Variants in MRPL3 observed in about 807,000 individuals in gnomAD.
MRPL3 encodes large ribosomal subunit protein uL3m.
MRPL3 carries 43 observed loss-of-function variants against 44.3 expected under a neutral mutation model. That is an observed-to-expected ratio of 0.97 (90% confidence interval 0.76 to 1.25). MRPL3 has a LOEUF of 1.25. Ranked by LOEUF, MRPL3 falls within the 50% of genes most tolerant of loss-of-function variation. MRPL3 has a pLI of 0.00. For missense variants in MRPL3, 406 were observed against 427.6 expected, an observed-to-expected ratio of 0.95 and a Z score of 0.45; for synonymous variants, 171 against 152.3, an observed-to-expected ratio of 1.12 and a Z score of -0.91.
chr3:131,462,960 C>A, intron 9 of MRPL3, 85 bp from the exon 10 acceptor site: 1 of 1,122,996 alleles, frequency 8.9e-7, no homozygotes, highest in Non-Finnish European at 1.3e-6. Flanking sequence ...CAAAGAAATA[C>A]TCGCTACTAC....
intron 1 of MRPL3, among the ~76,000 whole-genome samples, chr3:131,502,098 C>T (rs1231844549): frequency 6.6e-6 from 1 of 152,192 alleles, no homozygotes; most frequent in East Asian, 1.9e-4. Flanking sequence ...CTCACCTCCT[C>T]CCTGCAATGA....
intron 4 of MRPL3, among the ~76,000 whole-genome samples, chr3:131,494,829 A>C (rs9857469): frequency 0.066 from 10,010 of 152,266 alleles, 392 homozygotes; most frequent in African/African-American, 0.089. Flanking sequence ...TAAATAAGTA[A>C]ATGATTTCAA....
At position 131,485,744 on chromosome 3, in the gene MRPL3, T is replaced by C. The variant is rs192036542; in HGVS notation, c.629+1936A>G. 3.3e-5 allele frequency among the ~76,000 whole-genome samples: 5 copies of C among 152,258 alleles called. No homozygotes were observed. In the East Asian group the frequency reaches 9.6e-4, roughly 29 times the overall value. The stretch of plus-strand genomic sequence containing the variant: ...CACATTTCATTTCTAAATAGCGAAA[T>C]GAAGGTTATTAAAGCAGCCAGCAGC... On this transcript the variant is annotated intron_variant, in intron 6 of 9. Coordinates refer to ENST00000264995, the MANE Select transcript of MRPL3 (RefSeq NM_007208.4).
intron 5 of MRPL3, chr3:131,488,873 C>A (rs1405813744): frequency 1.3e-5 from 2 of 151,550 alleles, no homozygotes; most frequent in African/African-American, 4.8e-5. Context: ...ACACTGTATC[C>A]CATAAATGTA....
intron 6 of MRPL3, among the ~76,000 whole-genome samples, chr3:131,472,857 T>A (rs891495501): frequency 6.6e-6 from 1 of 151,960 alleles, no homozygotes; most frequent in Non-Finnish European, 1.5e-5. Context: ...ATAAACTTAA[T>A]AATGGAAGTG....
At chr3:131,474,330 A>G (rs1933806156) in intron 6 of MRPL3, among the ~76,000 whole-genome samples, 1 of 152,188 alleles carries the variant, frequency 6.6e-6, no homozygotes, top group Non-Finnish European at 1.5e-5. Context: ...TTACATGTGG[A>G]ATCTAAAAAA....
intron 6 of MRPL3, among the ~76,000 whole-genome samples, chr3:131,473,524 G>C (rs1933785569): frequency 1.3e-5 from 2 of 151,722 alleles, no homozygotes; most frequent in Non-Finnish European, 2.9e-5. Flanking sequence ...CAAAAGCACA[G>C]GCAACAAAAG....
intron 8 of MRPL3, among the ~76,000 whole-genome samples, chr3:131,469,266 C>T (rs1443985373): frequency 1.3e-5 from 2 of 150,244 alleles, no homozygotes; most frequent in African/African-American, 4.9e-5. Context: ...GATATATAAT[C>T]CAAGAACCTG....
chr3:131,473,680 A>C (rs1231349459), intron 6 of MRPL3, among the ~76,000 whole-genome samples: 1 of 152,058 alleles, frequency 6.6e-6, no homozygotes, highest in Non-Finnish European at 1.5e-5. Flanking sequence ...CTGCAAAAAA[A>C]CCTAAAATAA....
At chr3:131,477,464 T>C (rs922965617) in intron 6 of MRPL3, among the ~76,000 whole-genome samples, 2 of 152,254 alleles carry the variant, frequency 1.3e-5, no homozygotes, top group Non-Finnish European at 2.9e-5. Flanking sequence ...ACTCTGAGGT[T>C]AATCCCCAAA....
At chr3:131,467,934 A>G (rs1277889980) in intron 9 of MRPL3, among the ~76,000 whole-genome samples, 157 bp downstream of exon 9, 1 of 152,094 alleles carries the variant, frequency 6.6e-6, no homozygotes, top group Non-Finnish European at 1.5e-5. Context: ...ATGTGGAAAA[A>G]CAGCCATTTA....
At chr3:131,491,727 T>C (rs2110711381) in intron 4 of MRPL3, among the ~76,000 whole-genome samples, 1 of 152,144 alleles carries the variant, frequency 6.6e-6, no homozygotes, top group African/African-American at 2.4e-5. Flanking sequence ...TACCACCCCA[T>C]CCCAATGTCA....
chr3:131,481,242 A>T (rs1033318306), intron 6 of MRPL3, among the ~76,000 whole-genome samples: 1 of 152,232 alleles, frequency 6.6e-6, no homozygotes, highest in African/African-American at 2.4e-5. Flanking sequence ...GTATTGGAAA[A>T]CACCAGAATT....
chr3:131,478,016 T>C (rs1174076367), intron 6 of MRPL3, among the ~76,000 whole-genome samples: 2 of 152,196 alleles, frequency 1.3e-5, no homozygotes, highest in Non-Finnish European at 2.9e-5. Flanking sequence ...TGGCCGTATG[T>C]TTTTGTAAAT....
intron 9 of MRPL3, among the ~76,000 whole-genome samples, chr3:131,463,693 T>C (rs867524948): frequency 2.6e-5 from 4 of 152,176 alleles, no homozygotes; most frequent in South Asian, 4.1e-4. Context: ...GTTAACTCTA[T>C]ATATTCTCAA....
intron 6 of MRPL3, among the ~76,000 whole-genome samples, chr3:131,486,379 A>C (rs1452085494): frequency 2.0e-5 from 3 of 149,384 alleles, no homozygotes; most frequent in Non-Finnish European, 3.0e-5. Context: ...AAAAAAAAAA[A>C]AAAAAAAAAA....
At chr3:131,469,554 AC>A in intron 8 of MRPL3, 141 bp downstream of exon 8, 2 of 578,354 alleles carry the variant, frequency 3.5e-6, no homozygotes, top group Non-Finnish European at 6.1e-6. Context: ...ACACACACAC[AC>A]ACAATTCATG....
In MRPL3 at chr3:131,489,971, C is replaced by A. The variant is rs769452697; in HGVS notation, c.568+10G>T. The A allele has an allele frequency of 6.4e-7, 1 of 1,571,894 alleles. No individual in the cohort carries two copies. The highest frequency in any genetic ancestry group is 1.4e-5 in the African/African-American group (1 of 73,986). ...TTTTTACCTCCCTCCTCTCCCCAAC[C>A]TCAAATTACCTGGTTTAATTGCAGC... On this transcript the variant is annotated intron_variant, in intron 5 of 9. Transcript: ENST00000264995.
chr3:131,499,036 C>T (rs1377288401), intron 3 of MRPL3, among the ~76,000 whole-genome samples: 1 of 152,152 alleles, frequency 6.6e-6, no homozygotes, highest in Non-Finnish European at 1.5e-5. Flanking sequence ...AGAAGCACTG[C>T]CCTAGAAATA....
Sources: allele counts gnomAD v4.1 joint callset (sites outside exome capture counted in the v4.1 genomes callset), GRCh38; gene constraint gnomAD v4.1.1; transcripts MANE v1.5; gene names NCBI Gene and HGNC (gene_info 2026-07-23, HGNC 2026-07-21).